The following ZDHHC21 variants were observed in gnomAD, a reference collection of about 807,000 sequenced individuals.
The protein encoded by ZDHHC21 is palmitoyltransferase ZDHHC21.
Under a neutral mutation model 34.6 loss-of-function variants are expected in ZDHHC21, and 15 were observed. That is an observed-to-expected ratio of 0.43 (90% CI 0.29 to 0.67). The LOEUF is 0.67. Among genes scored for constraint, ZDHHC21 ranks in the 30% least tolerant of loss-of-function variants. The pLI, the probability that ZDHHC21 is intolerant of heterozygous loss-of-function variation, is 0.14. For synonymous variants in ZDHHC21, 142 were observed against 101.8 expected, an observed-to-expected ratio of 1.40 and a Z score of -2.38; for missense variants, 344 against 327.7, an observed-to-expected ratio of 1.05 and a Z score of -0.38.
At chr9:14,628,990 T>A (rs781715211) in intron 8 of ZDHHC21, among the ~76,000 whole-genome samples, 8 of 152,144 alleles carry the variant, frequency 5.3e-5, no homozygotes, top group African/African-American at 1.4e-4. Flanking sequence ...ACGCTTGAGG[T>A]TCACTATGAA....
chr9:14,600,318 C>A, the ZDHHC21 span, among the ~76,000 whole-genome samples: 1 of 152,166 alleles, frequency 6.6e-6, no homozygotes, highest in Non-Finnish European at 1.5e-5. Context: ...TCTCAGGATA[C>A]AAAATCAATG....
chr9:14,682,726 G>T (rs1008667288), intron 2 of ZDHHC21, among the ~76,000 whole-genome samples: 1 of 152,172 alleles, frequency 6.6e-6, no homozygotes, highest in African/African-American at 2.4e-5. Flanking sequence ...CAAATCAACA[G>T]AATATACACC....
intron 7 of ZDHHC21, among the ~76,000 whole-genome samples, chr9:14,649,983 T>A (rs990286549): frequency 6.6e-6 from 1 of 152,088 alleles, no homozygotes; most frequent in African/African-American, 2.4e-5. Context: ...TCACAGTAAC[T>A]GTAACAGTTT....
At chr9:14,678,810 C>T (rs1431705875) in intron 3 of ZDHHC21, among the ~76,000 whole-genome samples, 2 of 152,024 alleles carry the variant, frequency 1.3e-5, no homozygotes, top group Non-Finnish European at 2.9e-5. Flanking sequence ...CTAATACACC[C>T]ATAGTGTAGA....
Position 14,667,320 on chromosome 9 carries a change from T to C in ZDHHC21, c.254-4994A>G, listed in dbSNP as rs1335114162. Among the ~76,000 whole-genome samples, 6 of 150,100 alleles carry C rather than the reference T, an allele frequency of 4.0e-5. No individual in the cohort carries two copies. The South Asian group carries it at 1.3e-3, about 32-fold the overall frequency. ...ACCAGGAAGAAGTTGAATCTCTGAA[T>C]AGACGAATAACAGGAGCTGAAATTG... On this transcript the variant is annotated intron_variant, in intron 5 of 9. Transcript: ENST00000380916.
intron 7 of ZDHHC21, among the ~76,000 whole-genome samples, chr9:14,646,214 A>G (rs1475826161): frequency 6.6e-6 from 1 of 152,170 alleles, no homozygotes; most frequent in East Asian, 1.9e-4. Flanking sequence ...ATTCACAACA[A>G]TGAAAATAAA....
chr9:14,648,746 C>G (rs1337341623), intron 7 of ZDHHC21, among the ~76,000 whole-genome samples: 2 of 151,954 alleles, frequency 1.3e-5, no homozygotes, highest in Admixed American at 6.6e-5. Context: ...AATAGACACT[C>G]AATAATATGT....
chr9:14,635,737 G>C (rs112280964), intron 8 of ZDHHC21, among the ~76,000 whole-genome samples: 29 of 152,212 alleles, frequency 1.9e-4, no homozygotes, highest in Admixed American at 6.5e-4. Flanking sequence ...ACACATGAAA[G>C]TATAAAACCC....
chr9:14,682,239 G>A (rs1837513520), intron 2 of ZDHHC21, among the ~76,000 whole-genome samples: 3 of 152,146 alleles, frequency 2.0e-5, no homozygotes, highest in Admixed American at 2.0e-4. Context: ...AAAAGACACA[G>A]ACTGGCAAAT....
chr9:14,599,486 C>T, the ZDHHC21 span, among the ~76,000 whole-genome samples: 1 of 152,094 alleles, frequency 6.6e-6, no homozygotes, highest in African/African-American at 2.4e-5. Flanking sequence ...CCTATATCAC[C>T]AGGGCCCTGG....
At chr9:14,678,369 C>G (rs1460283390) in intron 3 of ZDHHC21, among the ~76,000 whole-genome samples, 1 of 151,840 alleles carries the variant, frequency 6.6e-6, no homozygotes, top group Non-Finnish European at 1.5e-5. Context: ...GGAAAAAATA[C>G]TGCAACACAT....
intron 2 of ZDHHC21, among the ~76,000 whole-genome samples, chr9:14,684,533 C>G (rs1444044332): frequency 4.0e-5 from 6 of 150,646 alleles, no homozygotes; most frequent in Non-Finnish European, 7.4e-5. Context: ...CTACAAACCA[C>G]TGCTCAATGA....
chr9:14,589,854 G>A, the ZDHHC21 span: 1 of 152,150 alleles, frequency 6.6e-6, no homozygotes, highest in Non-Finnish European at 1.5e-5. Context: ...ACTTTTAAAG[G>A]CAAGTGCAAA....
intron 1 of ZDHHC21, among the ~76,000 whole-genome samples, chr9:14,691,761 G>A (rs1746379507): frequency 6.6e-6 from 1 of 152,058 alleles, no homozygotes; most frequent in Non-Finnish European, 1.5e-5. Flanking sequence ...GATGAATTCT[G>A]GAAGAGTACT....
rs1352792443 is a variant in ZDHHC21 at position 14,662,202 on chromosome 9, G to T, written c.365+13C>A. The T allele has an allele frequency of 6.4e-6, 10 of 1,560,782 alleles. No individual in the cohort carries two copies. The highest frequency in any genetic ancestry group is 2.0e-5 in the Admixed American group (1 of 51,102). Reference sequence around the variant, plus strand: ...CACCCCTCTTTTCTTTGCTAGAAGTGAATTATTCTTACCATGGACAGTGAT... The same window carrying T: ...CACCCCTCTTTTCTTTGCTAGAAGTTAATTATTCTTACCATGGACAGTGAT... On this transcript the variant is annotated intron_variant, in intron 6 of 9. Coordinates refer to ENST00000380916, the MANE Select transcript of ZDHHC21 (RefSeq NM_178566.6).
chr9:14,664,017 G>A (rs1023370059), intron 5 of ZDHHC21, among the ~76,000 whole-genome samples: 2 of 152,164 alleles, frequency 1.3e-5, no homozygotes, highest in Non-Finnish European at 2.9e-5. Context: ...CAAGATGGCC[G>A]AATAGGAACA....
chr9:14,635,732 T>A (rs1240365943), intron 8 of ZDHHC21, among the ~76,000 whole-genome samples: 1 of 152,040 alleles, frequency 6.6e-6, no homozygotes, highest in Non-Finnish European at 1.5e-5. Context: ...TAAAAACACA[T>A]GAAAGTATAA....
At chr9:14,620,196 C>A (rs1374236942) in intron 8 of ZDHHC21, among the ~76,000 whole-genome samples, 6 of 151,984 alleles carry the variant, frequency 3.9e-5, no homozygotes, top group Non-Finnish European at 7.4e-5. Context: ...GAAAACTAAA[C>A]TGACCAGAGT....
At chr9:14,670,491 T>C (rs562089825) in intron 5 of ZDHHC21, among the ~76,000 whole-genome samples, 1 of 152,250 alleles carries the variant, frequency 6.6e-6, no homozygotes, top group East Asian at 1.9e-4. Context: ...ATCATTTACA[T>C]ATTGTCTATG....
Sources: gnomAD v4.1 joint callset for allele counts (sites outside exome capture counted in the v4.1 genomes callset) on GRCh38, gnomAD v4.1.1 for gene constraint, MANE v1.5 for transcripts, NCBI Gene and HGNC (gene_info 2026-07-23, HGNC 2026-07-21) for gene names.